ATP4A: variants seen among roughly 807,000 people sequenced by gnomAD.
ATP4A encodes the protein potassium-transporting ATPase alpha chain 1.
ATP4A carries 73 observed loss-of-function variants against 112.1 expected under a neutral mutation model. The ratio of observed to expected loss-of-function variants is 0.65; its 90% confidence interval spans 0.54 to 0.79. ATP4A has a LOEUF of 0.79. Among genes scored for constraint, ATP4A ranks in the 30% least tolerant of loss-of-function variants. ATP4A has a pLI of 0.00. For missense variants in ATP4A, 1,081 were observed against 1,425.9 expected (o/e 0.76, Z 3.90); for synonymous variants, 588 against 588.9 (o/e 1.00, Z 0.02).
In ATP4A at chr19:35,557,180, C is replaced by T; in HGVS notation, c.1694-92G>A. 1 of 1,435,134 alleles carries T rather than the reference C, an allele frequency of 7.0e-7. No homozygotes were observed. The highest frequency in any genetic ancestry group is 1.2e-5 in the South Asian group (1 of 83,796). 88.9% of individuals were successfully genotyped at this position (1,435,134 alleles called of 1,614,324 possible). The stretch of plus-strand genomic sequence containing the variant: ...GGGTAAAATAACCAGGCCCCTTGCA[C>T]CAAACACCTATGGATGCCTGACCTT... On this transcript the variant is annotated intron_variant, in intron 11 of 21. Coordinates refer to ENST00000262623, the MANE Select transcript of ATP4A (RefSeq NM_000704.3). This position sits in a 1 kb window ranked among gnomAD's most constrained non-coding sequence, Gnocchi z 4.4.
chr19:35,560,125 G>A lies in ATP4A; in HGVS notation c.788-52C>T, dbSNP rs1162242110. The stretch of plus-strand genomic sequence containing the variant: ...GGGATAGGGGGCGGCAGTGGGGTGT[G>A]CACTGCCGTGTGAGCTGAAGGACAG... On this transcript the variant is annotated intron_variant, in intron 6 of 21. Coordinates refer to ENST00000262623, the MANE Select transcript of ATP4A (RefSeq NM_000704.3). This position sits in a 1 kb window ranked among gnomAD's most constrained non-coding sequence, Gnocchi z 5.1. The A allele has an allele frequency of 1.3e-6, 2 of 1,598,472 alleles. No individual in the cohort carries two copies. Among genetic ancestry groups the A allele is most frequent in the Non-Finnish European group, 1.7e-6 (2 of 1,171,048 alleles).
rs771731146 is a variant in ATP4A, at chr19:35,563,463, A to G, written c.77T>C (p.Met26Thr). 1 of 1,613,190 alleles carries G rather than the reference A, an allele frequency of 6.2e-7. No individual in the cohort carries two copies. Among genetic ancestry groups the G allele is most frequent in the South Asian group, 1.1e-5 (1 of 91,034 alleles). Residue 26 changes from methionine (M) to threonine (T), a missense_variant, in exon 2 of 22, where the codon ATG becomes ACG. This residue lies in a region of ATP4A where 850 missense variants were observed against 1,068.2 expected (regional missense o/e 0.80). Coordinates refer to ENST00000262623, the MANE Select transcript of ATP4A (RefSeq NM_000704.3). Reference sequence around the variant, plus strand: ...GCCACCCGCCTTCTTCTTCTTGCTCATCTTGGCAGCCATGTCCCCGCCAGG... The same window carrying G: ...GCCACCCGCCTTCTTCTTCTTGCTCGTCTTGGCAGCCATGTCCCCGCCAGG... The part of the protein sequence containing the change: ...PGPGGDMAAK[M>T]SKKKKAGGGG...
intron 17 of ATP4A, among the ~76,000 whole-genome samples, 159 bp downstream of exon 17, chr19:35,553,547 G>T (rs17776451): frequency 0.053 from 8,069 of 152,262 alleles, 265 homozygotes; most frequent in East Asian, 0.18. Context: ...CAGAGAGACT[G>T]TCACAAACAG....
Position 35,551,147 on chromosome 19 carries a change from T to G in ATP4A, c.2886-36A>C. The G allele has an allele frequency of 6.4e-7, 1 of 1,564,778 alleles. No individual in the cohort carries two copies. On this transcript the variant is annotated intron_variant, in intron 19 of 21. Transcript: ENST00000262623. This position sits in a 1 kb window ranked among gnomAD's most constrained non-coding sequence, Gnocchi z 5.2. ...GCAGAATGGGACAGGCCATTAGGAA[T>G]TGGGGACGTGATGGAAATCAGGATA...
In ATP4A at chr19:35,563,391, A is replaced by C. The variant is rs200082565; in HGVS notation, c.149T>G (p.Met50Arg). ...TCCCCAGTCAGAGCTCACAATCTCC[A>C]TCTCCTTCTTCATGTTCTCCAGCTT... ...KEKLENMKKE[M>R]EINDHQLSVA... Residue 50 changes from methionine to arginine, a missense_variant, in exon 2 of 22, where the codon ATG (methionine) becomes AGG (arginine). Around this residue, in one of 3 missense-constraint regions of ATP4A, gnomAD observed 850 missense variants for 1,068.2 expected, o/e 0.80. Transcript: ENST00000262623. 2.6e-6 allele frequency: 4 copies of C among 1,546,994 alleles called. No individual in the cohort carries two copies. The highest frequency in any genetic ancestry group is 2.6e-6 in the Non-Finnish European group (3 of 1,145,846).
intron 4 of ATP4A, among the ~76,000 whole-genome samples, chr19:35,561,505 G>A (rs897573813): frequency 6.6e-6 from 1 of 151,878 alleles, no homozygotes; most frequent in East Asian, 1.9e-4. Context: ...TAGCTCCCCA[G>A]TCACTGTGTC....
intron 3 of ATP4A, 39 bp downstream of exon 3, chr19:35,563,170 C>T (rs2071682257): frequency 2.5e-6 from 4 of 1,610,154 alleles, no homozygotes; most frequent in Non-Finnish European, 2.5e-6. Context: ...CTCCCTCTCT[C>T]CTCCTCCCCT....
rs868366556 is a variant in ATP4A at position 35,563,436 on chromosome 19, C to T, written c.104G>A (p.Gly35Glu). 1 of 1,614,002 alleles carries T rather than the reference C, an allele frequency of 6.2e-7. No homozygotes were observed. Among genetic ancestry groups the T allele is most frequent in the African/African-American group, 1.3e-5 (1 of 74,958 alleles). Residue 35 changes from glycine (G) to glutamate (E), a missense_variant, in exon 2 of 22, where the codon GGG becomes GAG. By Grantham distance (98) the Gly-to-Glu change is moderately conservative. Around this residue, in one of 3 missense-constraint regions of ATP4A, gnomAD observed 850 missense variants for 1,068.2 expected, o/e 0.80. Transcript: ENST00000262623. The part of the protein sequence containing the change: ...KMSKKKKAGG[G>E]GGKRKEKLEN... ...CAGCTTCTCCTTCCTCTTGCCACCC[C>T]CGCCACCCGCCTTCTTCTTCTTGCT... is the stretch of plus-strand genomic sequence containing the variant.
intron 17 of ATP4A, among the ~76,000 whole-genome samples, 186 bp downstream of exon 17, chr19:35,553,517 GAGC>G (rs1555709923): frequency 6.6e-6 from 1 of 152,162 alleles, no homozygotes; most frequent in Non-Finnish European, 1.5e-5. Flanking sequence ...GTCAGAGAGA[GAGC>G]AGGGACACAG....
In ATP4A at chr19:35,558,316, G is replaced by A. The variant is rs998169494; in HGVS notation, c.1500+46C>T. The A allele has an allele frequency of 2.5e-6, 4 of 1,570,974 alleles. No homozygotes were observed. The African/African-American group carries it at 5.4e-5, about 21-fold the overall frequency. Reference sequence around the variant, plus strand: ...TGATGTGGGTGTGGCCTGGGGCGGGGCCCGAGGTGGGCGGGCCCAGGCCGT... The same window carrying A: ...TGATGTGGGTGTGGCCTGGGGCGGGACCCGAGGTGGGCGGGCCCAGGCCGT... On this transcript the variant is annotated intron_variant, in intron 10 of 21. Coordinates refer to ENST00000262623, the MANE Select transcript of ATP4A (RefSeq NM_000704.3). The surrounding 1 kb of genome is among the most constrained non-coding windows in gnomAD (Gnocchi z 5.1).
chr19:35,556,922 T>C lies in ATP4A; in HGVS notation c.1860A>G (p.Ala620=). Residue 620 remains alanine (A), a synonymous_variant, in exon 12 of 22, where the codon GCA becomes GCG. Coordinates refer to ENST00000262623, the MANE Select transcript of ATP4A (RefSeq NM_000704.3). The part of the protein sequence containing the change: ...VPDAVLKCRT[A]GIRVIMVTGD... Reference sequence around the variant, plus strand: ...CCCCACAGTGGCATACCCGGATGCCTGCGGTGCGACACTTGAGCACAGCAT... The same window carrying C: ...CCCCACAGTGGCATACCCGGATGCCCGCGGTGCGACACTTGAGCACAGCAT... 1 of 1,613,806 alleles carries C rather than the reference T, an allele frequency of 6.2e-7. No homozygotes were observed. Among genetic ancestry groups the C allele is most frequent in the Non-Finnish European group, 8.5e-7 (1 of 1,179,730 alleles).
Position 35,555,195 on chromosome 19 carries a change from A to G in ATP4A, c.2297T>C (p.Phe766Ser). ...AADMILLDDN[F>S]ASIVTGVEQG... ...CTCCACGCCTGTCACAATGGAGGCAAAGTTGTCATCCAGCAGGATCATGTC... is the reference window on the plus strand; with the variant it reads ...CTCCACGCCTGTCACAATGGAGGCAGAGTTGTCATCCAGCAGGATCATGTC... The change falls in exon 15 of 22, where the codon TTT (phenylalanine) becomes TCT (serine). Residue 766 changes from phenylalanine to serine, a missense_variant. Physicochemically the swap from Phe to Ser is radical, Grantham distance 155 (BLOSUM62 -2). Around this residue, in one of 3 missense-constraint regions of ATP4A, gnomAD observed 850 missense variants for 1,068.2 expected, o/e 0.80. Coordinates refer to ENST00000262623, the MANE Select transcript of ATP4A (RefSeq NM_000704.3). The surrounding 1 kb of genome is among the most constrained non-coding windows in gnomAD (Gnocchi z 6.6). 1.2e-6 allele frequency: 2 copies of G among 1,614,030 alleles called. No homozygotes were observed. The highest frequency in any genetic ancestry group is 2.2e-5 in the South Asian group (2 of 91,072).
Position 35,553,122 on chromosome 19 carries a change from C to T in ATP4A, c.2666G>A (p.Trp889Ter). ...DYFTAMAQEG[W>*]FPLLCVGLRA... ...CAGCCCCACGCACAGCAGTGGGAACCAGCCCTCCTGGGCCATTGCCGTGAA... is the reference window on the plus strand; with the variant it reads ...CAGCCCCACGCACAGCAGTGGGAACTAGCCCTCCTGGGCCATTGCCGTGAA... Residue 889 changes from tryptophan (W) to a stop codon, truncating the protein, a stop_gained, in exon 18 of 22, where the codon TGG becomes TAG. Transcript: ENST00000262623. LOFTEE classifies it high-confidence loss of function. The T allele has an allele frequency of 6.2e-7, 1 of 1,610,782 alleles. No homozygotes were observed. Among genetic ancestry groups the T allele is most frequent in the Non-Finnish European group, 8.5e-7 (1 of 1,177,280 alleles).
rs2071600385 is a variant in ATP4A at position 35,551,303 on chromosome 19, G to A, written c.2885+144C>T. The stretch of plus-strand genomic sequence containing the variant: ...GGAGGGGGCCGTGGGGGGAGTTATT[G>A]GCCAGTTAGAAAGGTTTTTTTGGCA... On this transcript the variant is annotated intron_variant, in intron 19 of 21. Transcript: ENST00000262623. The surrounding 1 kb of genome is among the most constrained non-coding windows in gnomAD (Gnocchi z 5.2). 7.3e-7 allele frequency: 1 copy of A among 1,367,766 alleles called. No homozygotes were observed. Among genetic ancestry groups the A allele is most frequent in the African/African-American group, 1.4e-5 (1 of 69,668 alleles). The allele number at this position is 1,367,766 out of a possible 1,614,324, so 84.7% of individuals were successfully genotyped here. A position where few individuals can be genotyped will look rare whatever the true frequency, so the allele number is the denominator to read the frequency against.
rs1044675611 is a variant in ATP4A at position 35,556,766 on chromosome 19, CT to C, written c.1869+146del. 26 of 968,912 alleles carry C rather than the reference CT, an allele frequency of 2.7e-5. No homozygotes were observed. The African/African-American group carries it at 4.0e-4, about 15-fold the overall frequency. The allele number at this position is 968,912 out of a possible 1,614,324, so 60.0% of individuals were successfully genotyped here. ...CTCCTGGATCTGGCTAGACCTGAAG[CT>C]TAATTCCCCAGAATTTTTCAGTATC... On this transcript the variant is annotated intron_variant, in intron 12 of 21. Transcript: ENST00000262623.
intron 18 of ATP4A, among the ~76,000 whole-genome samples, 162 bp downstream of exon 18, chr19:35,552,875 G>C (rs536282885): frequency 6.9e-6 from 1 of 144,778 alleles, no homozygotes; most frequent in South Asian, 2.3e-4. Context: ...GCTGGAGATG[G>C]TGGGAAAGGC....
Position 35,551,167 on chromosome 19 carries a change from A to G in ATP4A, c.2886-56T>C. 1 of 1,521,908 alleles carries G rather than the reference A, an allele frequency of 6.6e-7. No homozygotes were observed. Among genetic ancestry groups the G allele is most frequent in the Non-Finnish European group, 8.9e-7 (1 of 1,117,702 alleles). The allele number at this position is 1,521,908 out of a possible 1,614,324, so 94.3% of individuals were successfully genotyped here. ...AGGAATTGGGGACGTGATGGAAATC[A>G]GGATACTGTGGGTCAAAGTAGGTCA... On this transcript the variant is annotated intron_variant, in intron 19 of 21. Coordinates refer to ENST00000262623, the MANE Select transcript of ATP4A (RefSeq NM_000704.3). The surrounding 1 kb of genome is among the most constrained non-coding windows in gnomAD (Gnocchi z 5.2).
At chr19:35,562,108 G>A (rs150430046) in intron 4 of ATP4A, among the ~76,000 whole-genome samples, 85 of 151,960 alleles carry the variant, frequency 5.6e-4, no homozygotes, top group Non-Finnish European at 7.8e-4. Flanking sequence ...TGCCCGCCTC[G>A]GCCTCCCAAA....
rs997496353 is a variant in ATP4A at position 35,551,301 on chromosome 19, T to C, written c.2885+146A>G. ...GTGGAGGGGGCCGTGGGGGGAGTTA[T>C]TGGCCAGTTAGAAAGGTTTTTTTGG... On this transcript the variant is annotated intron_variant, in intron 19 of 21. Coordinates refer to ENST00000262623, the MANE Select transcript of ATP4A (RefSeq NM_000704.3). This position sits in a 1 kb window ranked among gnomAD's most constrained non-coding sequence, Gnocchi z 5.2. 1.8e-4 allele frequency: 245 copies of C among 1,355,680 alleles called. 1 individual carries two copies. Among genetic ancestry groups the C allele is most frequent in the Admixed American group, 1.4e-4 (7 of 49,480 alleles). The allele number at this position is 1,355,680 out of a possible 1,614,324, so 84.0% of individuals were successfully genotyped here.
Sources: allele counts gnomAD v4.1 joint callset (sites outside exome capture counted in the v4.1 genomes callset), GRCh38; gene constraint gnomAD v4.1.1; regional missense constraint gnomAD v4.1.1; non-coding constraint Gnocchi (gnomAD v3.1); transcripts MANE v1.5; gene names NCBI Gene and HGNC (gene_info 2026-07-23, HGNC 2026-07-21).